Variants in TRPM7 observed in about 807,000 individuals in gnomAD.
The protein encoded by TRPM7 is LTRPC ion channel family member 7.
A neutral mutation model predicts 229.7 loss-of-function variants in TRPM7; 134 were observed. The ratio of observed to expected loss-of-function variants is 0.58; its 90% CI spans 0.51 to 0.67. The LOEUF (loss-of-function observed/expected upper bound fraction) is 0.67, where lower values mean the gene tolerates loss of function less well. Ranked by LOEUF, TRPM7 falls within the 30% of genes least tolerant of loss-of-function variation. The pLI is 0.00. For synonymous variants in TRPM7, 699 were observed against 715.2 expected (o/e 0.98, Z 0.36); for missense variants, 1,901 against 2,210.0 (o/e 0.86, Z 2.80).
rs55924090 is a variant in TRPM7 at position 50,624,230 on chromosome 15, A to G, written c.1376T>C (p.Ile459Thr). The change falls in exon 12 of 39, where the codon ATT (isoleucine) becomes ACT (threonine). Residue 459 changes from isoleucine (I) to threonine (T), a missense_variant. Around this residue, in one of 8 missense-constraint regions of TRPM7, gnomAD observed 794 missense variants for 881.9 expected, o/e 0.90. Transcript: ENST00000646667. ...MDRVAFVKLL[I>T]ENGVSMHKFL... ...TTTATGCATGCTTACTCCATTTTCA[A>G]TAAGAAGTTTTACAAATGCAACTCT... 4.3e-6 allele frequency: 7 copies of G among 1,613,216 alleles called. No individual in the cohort carries two copies. Among genetic ancestry groups the G allele is most frequent in the East Asian group, 4.5e-5 (2 of 44,758 alleles).
Position 50,673,698 on chromosome 15 carries a change from T to C in TRPM7, c.4-10652A>G, listed in dbSNP as rs375064751. Among the ~76,000 whole-genome samples, 40 of 152,294 alleles carry C rather than the reference T, an allele frequency of 2.6e-4. 1 individual carries two copies. The South Asian group carries it at 6.6e-3, about 25-fold the overall frequency. On this transcript the variant is annotated intron_variant, in intron 1 of 38. Transcript: ENST00000646667. ...TTGACTTGATGGGCATTTGAGTTGG[T>C]TCCACATTTTTGCAATTATGAATTA...
At chr15:50,677,421 A>C (rs1231156198) in intron 1 of TRPM7, among the ~76,000 whole-genome samples, 1 of 151,914 alleles carries the variant, frequency 6.6e-6, no homozygotes, top group Admixed American at 6.6e-5. Flanking sequence ...ACAACAACAC[A>C]CACACACACA....
At chr15:50,597,113 A>G (rs2059654400) in intron 22 of TRPM7, among the ~76,000 whole-genome samples, 1 of 152,228 alleles carries the variant, frequency 6.6e-6, no homozygotes, top group South Asian at 2.1e-4. Flanking sequence ...TTATGTCACA[A>G]AAATGGGGCT....
At chr15:50,565,920 T>TC (rs1228063940) in intron 38 of TRPM7, among the ~76,000 whole-genome samples, 3 of 151,758 alleles carry the variant, frequency 2.0e-5, no homozygotes, top group African/African-American at 7.3e-5. Flanking sequence ...GCCTCCCAGG[T>TC]CCCAGTGATT....
At chr15:50,655,000 CAAAAAAA>C (rs35388005) in intron 3 of TRPM7, among the ~76,000 whole-genome samples, 1 of 69,448 alleles carries the variant, frequency 1.4e-5, no homozygotes, top group African/African-American at 5.8e-5. Flanking sequence ...CACTCCGTCT[CAAAAAAA>C]AAAAAAAAAA....
At chr15:50,655,251 A>C (rs977198027) in intron 3 of TRPM7, among the ~76,000 whole-genome samples, 1 of 151,696 alleles carries the variant, frequency 6.6e-6, no homozygotes, top group Admixed American at 6.6e-5. Flanking sequence ...CTGACCATCA[A>C]GGTAAAATCC....
rs1464634384 is a variant in TRPM7 at position 50,580,907 on chromosome 15, T to C, written c.4559A>G (p.Asp1520Gly). The C allele has an allele frequency of 6.3e-7, 1 of 1,579,564 alleles. No individual in the cohort carries two copies. The highest frequency in any genetic ancestry group is 1.7e-4 in the Middle Eastern group (1 of 5,894). The change falls in exon 30 of 39, where the codon GAT becomes GGT. Residue 1520 changes from aspartate to glycine, a missense_variant and splice_region_variant. By Grantham distance (94) the Asp-to-Gly change is moderately conservative (BLOSUM62 -1). Around this residue, in one of 8 missense-constraint regions of TRPM7, gnomAD observed 533 missense variants for 497.1 expected, o/e 1.07. Coordinates refer to ENST00000646667, the MANE Select transcript of TRPM7 (RefSeq NM_017672.6). ...EVDSKAALIP[D>G]WLQDRPSNRE... ...GTTTGATGGTCTATCTTGTAACCAA[T>C]CCTTCAGTAAAAAAAAAACACACAC... is the stretch of plus-strand genomic sequence containing the variant.
At chr15:50,622,257 T>A (rs951113494) in intron 12 of TRPM7, among the ~76,000 whole-genome samples, 1 of 152,186 alleles carries the variant, frequency 6.6e-6, no homozygotes, top group Admixed American at 6.5e-5. Context: ...TTTGAAGTTC[T>A]CAATAATTTT....
intron 31 of TRPM7, among the ~76,000 whole-genome samples, chr15:50,576,640 G>A (rs1485696602): frequency 2.0e-5 from 3 of 152,098 alleles, no homozygotes; most frequent in Non-Finnish European, 4.4e-5. Context: ...GTGCTTTTTG[G>A]ACATACATCC....
intron 4 of TRPM7, among the ~76,000 whole-genome samples, chr15:50,648,084 A>G (rs2061319987): frequency 1.3e-5 from 2 of 152,176 alleles, no homozygotes; most frequent in Admixed American, 1.3e-4. Context: ...CCTATATTAG[A>G]TATTATAAGG....
At chr15:50,584,404 C>T (rs1365495546) in intron 28 of TRPM7, among the ~76,000 whole-genome samples, 1 of 152,098 alleles carries the variant, frequency 6.6e-6, no homozygotes. Context: ...TGTAACTATA[C>T]TTGGTGGAAA....
chr15:50,612,943 A>G (rs1418056758), intron 15 of TRPM7, 114 bp from the exon 16 acceptor site: 9 of 826,668 alleles, frequency 1.1e-5, no homozygotes, highest in Non-Finnish European at 1.6e-5. Context: ...AAACTGCACA[A>G]TAGCATAAAT....
At chr15:50,585,001 G>A (rs1011538822) in intron 28 of TRPM7, among the ~76,000 whole-genome samples, 5 of 150,550 alleles carry the variant, frequency 3.3e-5, no homozygotes, top group East Asian at 3.9e-4. Flanking sequence ...TCAGCCTCCC[G>A]AGTAGCTGGG....
intron 26 of TRPM7, 115 bp downstream of exon 26, chr15:50,591,796 A>G (rs539423579): frequency 1.2e-6 from 1 of 807,244 alleles, no homozygotes; most frequent in Admixed American, 3.7e-5. Flanking sequence ...CTTTTTAAAA[A>G]TTTTATAATT....
At chr15:50,638,358 CAAAAAAAAAAAAAAAAAAAAAAAAAAA>C (rs60939201) in intron 6 of TRPM7, among the ~76,000 whole-genome samples, 1,729 of 42,314 alleles carry the variant, frequency 0.041, 40 homozygotes, top group Non-Finnish European at 0.047. Flanking sequence ...GACTCCGTCT[CAAAAAAAAAAAAAAAAAAAAAAAAAAA>C]AAAAAAAAAA....
intron 28 of TRPM7, among the ~76,000 whole-genome samples, chr15:50,583,859 C>G (rs541828111): frequency 6.6e-6 from 1 of 152,302 alleles, no homozygotes; most frequent in East Asian, 1.9e-4. Flanking sequence ...CAGGTGTGAG[C>G]CACTGCGCCT....
chr15:50,567,233 T>G (rs1356328863), intron 38 of TRPM7, among the ~76,000 whole-genome samples: 1 of 152,272 alleles, frequency 6.6e-6, no homozygotes, highest in South Asian at 2.1e-4. Context: ...ATGTGCAGGT[T>G]TGTTACACAT....
At position 50,560,724 on chromosome 15, in the gene TRPM7, TC is replaced by T. The variant is rs1291496423; in HGVS notation, c.*953del. On this transcript the variant is annotated 3_prime_UTR_variant, in exon 39 of 39. Coordinates refer to ENST00000646667, the MANE Select transcript of TRPM7 (RefSeq NM_017672.6). ...ATTTCTTAAGTACCACAAACAGCAT[TC>T]ATGTTCAAATGTTCCAACACAATTT... The T allele has an allele frequency of 1.3e-5, 2 of 152,718 alleles. No homozygotes were observed. Among genetic ancestry groups the T allele is most frequent in the East Asian group, 3.9e-4 (2 of 5,184 alleles). 9.5% of individuals were successfully genotyped at this position (152,718 alleles called of 1,614,324 possible).
intron 23 of TRPM7, among the ~76,000 whole-genome samples, chr15:50,595,663 C>G (rs1280449533): frequency 1.3e-5 from 2 of 151,972 alleles, no homozygotes; most frequent in African/African-American, 4.8e-5. Flanking sequence ...GAGTTTGAGT[C>G]CAGCCCGGCC....
Sources: allele counts gnomAD v4.1 joint callset (sites outside exome capture counted in the v4.1 genomes callset), GRCh38; gene constraint gnomAD v4.1.1; regional missense constraint gnomAD v4.1.1; transcripts MANE v1.5; gene names NCBI Gene and HGNC (gene_info 2026-07-23, HGNC 2026-07-21).